The following CHD5 variants were observed in gnomAD, a reference collection of about 807,000 sequenced individuals.
CHD5 encodes ATP-dependent chromatin remodeler CHD5.
CHD5 carries 69 observed loss-of-function variants against 230.3 expected under a neutral mutation model. That is an observed-to-expected ratio of 0.30 (90% CI 0.25 to 0.37). The LOEUF is 0.37. Among genes scored for constraint, CHD5 ranks in the 10% least tolerant of loss-of-function variants. CHD5 has a pLI of 1.00. For missense variants in CHD5, 1,827 were observed against 2,622.8 expected, an observed-to-expected ratio of 0.70 and a Z score of 6.63; for synonymous variants, 1,064 against 1,065.9, an observed-to-expected ratio of 1.00 and a Z score of 0.03.
chr1:6,121,136 C>T lies in CHD5; in HGVS notation c.4881G>A (p.Lys1627=). ...GCAGCTGCTCCGGGGAGGGCGGGGC[C>T]TTCTCCGTCTCCTCTGGCCGCTCCT... ...AREERPEETE[K]APPSPEQLPR... The change falls in exon 33 of 42, where the codon AAG becomes AAA. Residue 1627 remains lysine (K), a synonymous_variant. Coordinates refer to ENST00000262450, the MANE Select transcript of CHD5 (RefSeq NM_015557.3). The surrounding 1 kb of genome is among the most constrained non-coding windows in gnomAD (Gnocchi z 4.5). 6.2e-7 allele frequency: 1 copy of T among 1,611,660 alleles called. No homozygotes were observed. The highest frequency in any genetic ancestry group is 1.1e-5 in the South Asian group (1 of 90,806).
chr1:6,135,462 G>T, intron 17 of CHD5, 59 bp from the exon 18 acceptor site: 3 of 1,504,600 alleles, frequency 2.0e-6, no homozygotes, highest in Non-Finnish European at 1.8e-6. Flanking sequence ...GGGAGGCAGG[G>T]TGCAGAGCGC....
intron 38 of CHD5, among the ~76,000 whole-genome samples, chr1:6,107,806 G>A (rs1433358271): frequency 1.5e-5 from 2 of 136,236 alleles, no homozygotes; most frequent in African/African-American, 2.8e-5. Context: ...AGGGATGATG[G>A]AGGAATAATG....
At position 6,119,783 on chromosome 1, in the gene CHD5, G is replaced by T. The variant is rs59506573; in HGVS notation, c.4912+1322C>A. Among the ~76,000 whole-genome samples, 993 of 147,098 alleles carry T rather than the reference G, an allele frequency of 6.8e-3. 8 individuals are homozygous for T. The highest frequency in any genetic ancestry group is 0.023 in the African/African-American group (927 of 40,088). On this transcript the variant is annotated intron_variant, in intron 33 of 41. Coordinates refer to ENST00000262450, the MANE Select transcript of CHD5 (RefSeq NM_015557.3). ...CGTGCGTACATACGTACATATGTGC[G>T]TATATACGTACGTATGTACGTACAT...
In CHD5 at chr1:6,134,028, G is replaced by A. The variant is rs1305808174; in HGVS notation, c.3144+100C>T. On this transcript the variant is annotated intron_variant, in intron 20 of 41. Coordinates refer to ENST00000262450, the MANE Select transcript of CHD5 (RefSeq NM_015557.3). The surrounding 1 kb of genome is among the most constrained non-coding windows in gnomAD (Gnocchi z 6.3). ...CATGACCCACATGGGAACGGCACTG[G>A]GCCCTGAGGGGTGCCAGCAAGTTTG... 23 of 1,187,434 alleles carry A rather than the reference G, an allele frequency of 1.9e-5. No individual in the cohort carries two copies. The East Asian group carries it at 3.1e-4, about 16-fold the overall frequency. The allele number at this position is 1,187,434 out of a possible 1,614,324, so 73.6% of individuals were successfully genotyped here.
Position 6,134,308 on chromosome 1 carries a change from C to CT in CHD5, c.3013-50dup. 1 of 1,600,842 alleles carries CT rather than the reference C, an allele frequency of 6.2e-7. No individual in the cohort carries two copies. The highest frequency in any genetic ancestry group is 8.5e-7 in the Non-Finnish European group (1 of 1,176,692). ...GCATTGGTGGGCTCCCCTCTCCTCT[C>CT]TGACTCTGCACCAAAGGGGCCGCAG... is the stretch of plus-strand genomic sequence containing the variant. On this transcript the variant is annotated intron_variant, in intron 19 of 41. Coordinates refer to ENST00000262450, the MANE Select transcript of CHD5 (RefSeq NM_015557.3). The surrounding 1 kb of genome is among the most constrained non-coding windows in gnomAD (Gnocchi z 6.3).
intron 1 of CHD5, among the ~76,000 whole-genome samples, chr1:6,171,792 C>A (rs370528827): frequency 6.6e-6 from 1 of 152,242 alleles, no homozygotes; most frequent in Non-Finnish European, 1.5e-5. Context: ...CTGCCCGTCC[C>A]GGGTGAGGGG....
Position 6,109,659 on chromosome 1 carries a change from C to T in CHD5, c.5578+136G>A, listed in dbSNP as rs570418996. On this transcript the variant is annotated intron_variant, in intron 38 of 41. Coordinates refer to ENST00000262450, the MANE Select transcript of CHD5 (RefSeq NM_015557.3). ...GATGACAGGACTGTTCCATCTTGGCCCAGAAGTCCACCGCCCTCTGGGCTG... is the reference window on the plus strand; with the variant it reads ...GATGACAGGACTGTTCCATCTTGGCTCAGAAGTCCACCGCCCTCTGGGCTG... The T allele has an allele frequency of 4.1e-6, 3 of 740,106 alleles. 1 individual carries two copies. The highest frequency in any genetic ancestry group is 2.4e-5 in the Admixed American group (1 of 41,330). 45.8% of individuals were successfully genotyped at this position (740,106 alleles called of 1,614,324 possible). A position where few individuals can be genotyped will look rare whatever the true frequency, so the allele number is the denominator to read the frequency against.
At chr1:6,139,195 G>A (rs1666790090) in intron 15 of CHD5, among the ~76,000 whole-genome samples, 1 of 152,166 alleles carries the variant, frequency 6.6e-6, no homozygotes, top group Non-Finnish European at 1.5e-5. Context: ...CAATGTGAAT[G>A]TACTTAACAC....
chr1:6,160,714 C>T (rs531316591), intron 2 of CHD5, among the ~76,000 whole-genome samples: 47 of 152,374 alleles, frequency 3.1e-4, no homozygotes, highest in Admixed American at 1.8e-3. Context: ...CCATCCTGGC[C>T]GCTTCCTCTC....
rs3810989 is a variant in CHD5 at position 6,103,865 on chromosome 1, C to T, written c.*1609G>A. 109,547 of 151,956 alleles carry T rather than the reference C, an allele frequency of 0.72. 39,724 individuals are homozygous for T. Among genetic ancestry groups the T allele is most frequent in the African/African-American group, 0.75 (30,977 of 41,404 alleles). The allele number at this position is 151,956 out of a possible 1,614,324, so 9.4% of individuals were successfully genotyped here. On this transcript the variant is annotated 3_prime_UTR_variant, in exon 42 of 42. Coordinates refer to ENST00000262450, the MANE Select transcript of CHD5 (RefSeq NM_015557.3). ...TAGGGCTTAGGGAGGGCCAGGCAAT[C>T]GCTCCAGTGTCTGCAACACAAGCTG...
chr1:6,127,157 G>A (rs1162450945), intron 25 of CHD5: 2 of 190,702 alleles, frequency 1.0e-5, no homozygotes, highest in South Asian at 2.0e-4. Context: ...GGAGCTCTTC[G>A]GGGACAGCTG....
At chr1:6,111,977 C>A in intron 35 of CHD5, 94 bp from the exon 36 acceptor site, 1 of 1,381,784 alleles carries the variant, frequency 7.2e-7, no homozygotes, top group Admixed American at 1.9e-5. Context: ...CTTGCCACTG[C>A]CTCCACCCCC....
intron 33 of CHD5, among the ~76,000 whole-genome samples, chr1:6,119,357 C>T (rs1666428759): frequency 6.6e-6 from 1 of 152,112 alleles, no homozygotes; most frequent in South Asian, 2.1e-4. Context: ...CTCGGCCTCC[C>T]AAAGTGCTGG....
In CHD5 at chr1:6,119,585, G is replaced by A. The variant is rs115435368; in HGVS notation, c.4912+1520C>T. On this transcript the variant is annotated intron_variant, in intron 33 of 41. Transcript: ENST00000262450. ...AGATTAATCCATAATCATAATGAGAGATTTTAACACAAGTCTCTCAGAAAC... is the reference window on the plus strand; with the variant it reads ...AGATTAATCCATAATCATAATGAGAAATTTTAACACAAGTCTCTCAGAAAC... Among the ~76,000 whole-genome samples, 678 of 152,162 alleles carry A rather than the reference G, an allele frequency of 4.5e-3. 8 individuals carry two copies. The highest frequency in any genetic ancestry group is 0.016 in the African/African-American group (653 of 41,540).
chr1:6,166,807 G>C (rs1667263402), intron 2 of CHD5, among the ~76,000 whole-genome samples: 1 of 152,108 alleles, frequency 6.6e-6, no homozygotes, highest in Non-Finnish European at 1.5e-5. Flanking sequence ...GCCGCCAGGG[G>C]AGCCTGCCAG....
Position 6,128,133 on chromosome 1 carries a change from A to G in CHD5, c.3816T>C (p.Ala1272=), listed in dbSNP as rs1320317620. The G allele has an allele frequency of 1.3e-5, 21 of 1,614,130 alleles. No homozygotes were observed. The highest frequency in any genetic ancestry group is 1.5e-5 in the Non-Finnish European group (18 of 1,180,006). The change falls in exon 25 of 42, where the codon GCT becomes GCC. Residue 1272 remains alanine, a synonymous_variant. Transcript: ENST00000262450. This position sits in a 1 kb window ranked among gnomAD's most constrained non-coding sequence, Gnocchi z 7.8. Reference sequence around the variant, plus strand: ...TGTTCTGTAGCTCCGTGTCATCTGTAGCGTCCTGGTTCCGGTCCAGCAGCT... The same window carrying G: ...TGTTCTGTAGCTCCGTGTCATCTGTGGCGTCCTGGTTCCGGTCCAGCAGCT... ...ISKLLDRNQD[A]TDDTELQNMN...
chr1:6,112,798 C>A, intron 34 of CHD5, 111 bp downstream of exon 34: 2 of 769,324 alleles, frequency 2.6e-6, no homozygotes, highest in Non-Finnish European at 2.1e-6. Context: ...TCCAATCAGG[C>A]CTGGGGCCAA....
chr1:6,159,842 C>T (rs564495315), intron 2 of CHD5, among the ~76,000 whole-genome samples: 12 of 152,264 alleles, frequency 7.9e-5, no homozygotes, highest in South Asian at 2.1e-4. Context: ...AGCAGCCCTG[C>T]GGGTGAACTC....
At position 6,102,251 on chromosome 1, in the gene CHD5, T is replaced by TA. The variant is rs111306983; in HGVS notation, c.*3222dup. The TA allele has an allele frequency of 0.011, 1,608 of 151,244 alleles. 30 individuals are homozygous for TA. Among genetic ancestry groups the TA allele is most frequent in the African/African-American group, 0.031 (1,248 of 40,394 alleles). 9.4% of individuals were successfully genotyped at this position (151,244 alleles called of 1,614,324 possible). On this transcript the variant is annotated 3_prime_UTR_variant, in exon 42 of 42. Coordinates refer to ENST00000262450, the MANE Select transcript of CHD5 (RefSeq NM_015557.3). ...ATCGCACCTAAAAAAATACTTTGTTTAAAAAAAAAATCTGAAAATTAAAGA... is the reference window on the plus strand; with the variant it reads ...ATCGCACCTAAAAAAATACTTTGTTTAAAAAAAAAAATCTGAAAATTAAAGA...
Sources: allele counts gnomAD v4.1 joint callset (sites outside exome capture counted in the v4.1 genomes callset), GRCh38; gene constraint gnomAD v4.1.1; non-coding constraint Gnocchi (gnomAD v3.1); transcripts MANE v1.5; gene names NCBI Gene and HGNC (gene_info 2026-07-23, HGNC 2026-07-21).